ANKRD55: variants seen among roughly 807,000 people sequenced by gnomAD.
ANKRD55 encodes ankyrin repeat domain 55.
A neutral mutation model predicts 60.6 loss-of-function variants in ANKRD55; 41 were observed. The ratio of observed to expected loss-of-function variants is 0.68; its 90% CI spans 0.53 to 0.88. The LOEUF is 0.88. Among genes scored for constraint, ANKRD55 ranks in the 40% least tolerant of loss-of-function variants. The pLI, the probability that ANKRD55 is intolerant of heterozygous loss-of-function variation, is 0.00. For missense variants in ANKRD55, 732 were observed against 767.6 expected (o/e 0.95, Z 0.55); for synonymous variants, 264 against 290.3 (o/e 0.91, Z 0.92).
Position 56,146,245 on chromosome 5 carries a change from A to G in ANKRD55, c.484-2316T>C, listed in dbSNP as rs148500726. Among the ~76,000 whole-genome samples, 227 of 152,160 alleles carry G rather than the reference A, an allele frequency of 1.5e-3. 1 individual carries two copies. The highest frequency in any genetic ancestry group is 5.2e-3 in the African/African-American group (214 of 41,512). On this transcript the variant is annotated intron_variant, in intron 6 of 11. Coordinates refer to ENST00000341048, the MANE Select transcript of ANKRD55 (RefSeq NM_024669.3). ...GCCAGGCACATTATAGATGCTGAGT[A>G]AACACTTATTAACGGAACGAATGAC...
intron 10 of ANKRD55, among the ~76,000 whole-genome samples, chr5:56,109,162 A>T (rs1387155990): frequency 6.6e-6 from 1 of 152,116 alleles, no homozygotes; most frequent in Non-Finnish European, 1.5e-5. Flanking sequence ...CAAGAAATAA[A>T]TTATTTTTTC....
chr5:56,124,041 G>T (rs1038384819), intron 8 of ANKRD55, among the ~76,000 whole-genome samples: 1 of 152,170 alleles, frequency 6.6e-6, no homozygotes, highest in Non-Finnish European at 1.5e-5. Flanking sequence ...AGCGTTGGTT[G>T]AGCTATCAGT....
intron 4 of ANKRD55, 75 bp from the exon 5 acceptor site, chr5:56,170,878 T>G: frequency 7.3e-7 from 1 of 1,366,034 alleles, no homozygotes; most frequent in South Asian, 1.2e-5. Flanking sequence ...TTCTCTAGAT[T>G]TTTTTCCCTT....
intron 2 of ANKRD55, among the ~76,000 whole-genome samples, chr5:56,219,380 C>T (rs1759907268): frequency 6.6e-6 from 1 of 151,880 alleles, no homozygotes; most frequent in Non-Finnish European, 1.5e-5. Context: ...GAAGTACTTT[C>T]CACGTATACT....
chr5:56,125,535 C>T (rs1757221414), intron 8 of ANKRD55: 1 of 152,134 alleles, frequency 6.6e-6, no homozygotes, highest in Non-Finnish European at 1.5e-5. Flanking sequence ...CCATCTCGGC[C>T]TCTCAAAGTG....
At chr5:56,187,272 C>T (rs1433182643) in intron 2 of ANKRD55, among the ~76,000 whole-genome samples, 1 of 152,214 alleles carries the variant, frequency 6.6e-6, no homozygotes, top group Non-Finnish European at 1.5e-5. Flanking sequence ...ACTTAGCTCA[C>T]ACCCGACCAA....
chr5:56,218,039 C>G (rs1314791800), intron 2 of ANKRD55, among the ~76,000 whole-genome samples: 1 of 152,102 alleles, frequency 6.6e-6, no homozygotes, highest in Non-Finnish European at 1.5e-5. Context: ...AGCAAGAGAA[C>G]TAGAGTTAGA....
At chr5:56,102,727 C>T (rs1756326427) in intron 10 of ANKRD55, 141 bp from the exon 11 acceptor site, 2 of 588,272 alleles carry the variant, frequency 3.4e-6, no homozygotes, top group East Asian at 3.0e-5. Context: ...ACAATGATAG[C>T]TACACTTTAT....
At chr5:56,166,103 T>TTTCTTTCTTTCTTTC (rs1554040790) in intron 5 of ANKRD55, among the ~76,000 whole-genome samples, 2,153 of 50,638 alleles carry the variant, frequency 0.043, 135 homozygotes, top group Middle Eastern at 0.079. Flanking sequence ...TCTTTCTTTC[T>TTTCTTTCTTTCTTTC]TTCTTTCTTT....
intron 8 of ANKRD55, among the ~76,000 whole-genome samples, chr5:56,126,176 C>T (rs1366729283): frequency 6.6e-6 from 1 of 151,002 alleles, no homozygotes; most frequent in Non-Finnish European, 1.5e-5. Flanking sequence ...AAAATAATTA[C>T]AAGTAAGGGG....
chr5:56,166,098 C>CT (rs1198021326), intron 5 of ANKRD55, among the ~76,000 whole-genome samples: 2 of 28,398 alleles, frequency 7.0e-5, no homozygotes, highest in Non-Finnish European at 1.9e-4. Flanking sequence ...TTCTTTCTTT[C>CT]TTTCTTTCTT....
At chr5:56,142,196 T>C (rs1371692187) in intron 7 of ANKRD55, among the ~76,000 whole-genome samples, 3 of 151,922 alleles carry the variant, frequency 2.0e-5, no homozygotes, top group Admixed American at 6.6e-5. Context: ...GGCATGGTGG[T>C]GTGTGCCTAT....
rs143804499 is a variant in ANKRD55 at position 56,129,903 on chromosome 5, C to A, written c.613-2797G>T. Among the ~76,000 whole-genome samples, 1,042 of 152,294 alleles carry A rather than the reference C, an allele frequency of 6.8e-3. 9 individuals carry two copies. Among genetic ancestry groups the A allele is most frequent in the African/African-American group, 0.02 (814 of 41,566 alleles). ...AGGTTTTGTGATGTGAGAAGATGAT[C>A]CTGGCTCATCGGTTGGAGCCAGACA... On this transcript the variant is annotated intron_variant, in intron 7 of 11. Transcript: ENST00000341048.
chr5:56,194,341 T>C (rs958000692), intron 2 of ANKRD55, among the ~76,000 whole-genome samples: 4 of 151,674 alleles, frequency 2.6e-5, no homozygotes, highest in African/African-American at 9.7e-5. Flanking sequence ...AAGAAAATTT[T>C]ATAAAGAAAT....
chr5:56,148,626 C>G (rs1757958477), intron 6 of ANKRD55, among the ~76,000 whole-genome samples: 1 of 151,524 alleles, frequency 6.6e-6, no homozygotes, highest in Non-Finnish European at 1.5e-5. Context: ...CAGTTAAAGG[C>G]TTACAAGTCC....
chr5:56,229,324 G>T (rs1760192776), intron 2 of ANKRD55, among the ~76,000 whole-genome samples: 1 of 152,066 alleles, frequency 6.6e-6, no homozygotes, highest in African/African-American at 2.4e-5. Context: ...GAACACGTGG[G>T]ACCAGAAGAG....
intron 6 of ANKRD55, among the ~76,000 whole-genome samples, chr5:56,154,200 C>CAAAAAAA (rs367809782): frequency 4.7e-5 from 3 of 64,316 alleles, no homozygotes; most frequent in African/African-American, 6.3e-5. Context: ...GACTCTGTCT[C>CAAAAAAA]AAAAAAAAAA....
chr5:56,231,106 T>C (rs929820947), intron 2 of ANKRD55, among the ~76,000 whole-genome samples: 3 of 152,222 alleles, frequency 2.0e-5, no homozygotes, highest in African/African-American at 7.2e-5. Context: ...AAGTAGATGA[T>C]CTGCCATTCT....
intron 8 of ANKRD55, among the ~76,000 whole-genome samples, chr5:56,121,215 G>A (rs1362306303): frequency 6.6e-6 from 1 of 152,092 alleles, no homozygotes; most frequent in Non-Finnish European, 1.5e-5. Flanking sequence ...AAGGCAAGTG[G>A]GGTGGGGGGC....
Sources: allele counts gnomAD v4.1 joint callset (sites outside exome capture counted in the v4.1 genomes callset), GRCh38; gene constraint gnomAD v4.1.1; transcripts MANE v1.5; gene names NCBI Gene and HGNC (gene_info 2026-07-23, HGNC 2026-07-21).